The following CBLC variants were observed in gnomAD, a reference collection of about 807,000 sequenced individuals.
The protein encoded by CBLC is Cbl proto-oncogene C, also known as E3 ubiquitin-protein ligase CBL-C.
In CBLC, 46 loss-of-function variants were observed where a neutral mutation model predicts 58.6. The observed-to-expected ratio is 0.79, with a 90% CI of 0.62 to 1.00. CBLC has a LOEUF of 1.00. Among genes scored for constraint, CBLC ranks in the 50% least tolerant of loss-of-function variants. The pLI is 0.00. For missense variants in CBLC, 655 were observed against 625.8 expected, an observed-to-expected ratio of 1.05 and a Z score of -0.50; for synonymous variants, 271 against 264.2, an observed-to-expected ratio of 1.03 and a Z score of -0.25.
intron 2 of CBLC, 59 bp from the exon 3 acceptor site, chr19:44,781,148 C>A: frequency 6.3e-7 from 1 of 1,575,960 alleles, no homozygotes; most frequent in Non-Finnish European, 8.6e-7. Context: ...CCTGGAGACC[C>A]TCCCATCATA....
chr19:44,796,903 C>T (rs1372739449), intron 9 of CBLC, among the ~76,000 whole-genome samples: 2 of 138,864 alleles, frequency 1.4e-5, no homozygotes, highest in South Asian at 2.7e-4. Context: ...CAGCAGGAAG[C>T]GGGGCGGTGG....
Position 44,780,998 on chromosome 19 carries a change from C to G in CBLC, c.447C>G (p.Tyr149Ter). 6.2e-7 allele frequency: 1 copy of G among 1,613,558 alleles called. No homozygotes were observed. The change falls in exon 2 of 11, where the codon TAC becomes TAG. Residue 149 changes from tyrosine to a stop codon, truncating the protein, a stop_gained. Transcript: ENST00000647358. LOFTEE classifies it high-confidence loss of function. ...FPGGKYCGHM[Y>*]QLTKAPAHTF... ...GGGGAAAGTACTGTGGACACATGTA[C>G]CAGCTCACCAAGGCCCCCGCCCACA...
Position 44,781,050 on chromosome 19 carries a change from C to G in CBLC, c.499C>G (p.Arg167Gly), listed in dbSNP as rs752145860. Residue 167 changes from arginine (R) to glycine (G), a missense_variant and splice_region_variant, in exon 2 of 11, where the codon CGG (arginine) becomes GGG (glycine). Arg to Gly is a moderately radical substitution (Grantham distance 125). Around this residue, in one of 3 missense-constraint regions of CBLC, gnomAD observed 280 missense variants for 237.2 expected, o/e 1.18. Transcript: ENST00000647358. The part of the protein sequence containing the change: ...HTFWRESCGA[R>G]CVLPWAEFES... The stretch of plus-strand genomic sequence containing the variant: ...CTTCTGGAGGGAAAGTTGCGGAGCC[C>G]GGTGAGTAAGCCCTTGTCCTCAGCT... 47 of 1,611,206 alleles carry G rather than the reference C, an allele frequency of 2.9e-5. No homozygotes were observed. Among genetic ancestry groups the G allele is most frequent in the Non-Finnish European group, 3.6e-5 (43 of 1,179,342 alleles).
In CBLC at chr19:44,790,089, G is replaced by A. The variant is rs1968008270; in HGVS notation, c.1003G>A (p.Glu335Lys). 1.9e-6 allele frequency: 3 copies of A among 1,613,388 alleles called. No individual in the cohort carries two copies. The highest frequency in any genetic ancestry group is 3.3e-4 in the Middle Eastern group (2 of 6,062). The change falls in exon 6 of 11, where the codon GAG becomes AAG. Residue 335 changes from glutamate to lysine, a missense_variant and splice_region_variant. Physicochemically the swap from Glu to Lys is moderately conservative, Grantham distance 56 (BLOSUM62 1). Around this residue, in one of 3 missense-constraint regions of CBLC, gnomAD observed 371 missense variants for 370.8 expected, o/e 1.00. Transcript: ENST00000647358. Reference protein sequence around the residue: ...AEPQQRIHVSEEQLQLYWAMD... With the variant: ...AEPQQRIHVSKEQLQLYWAMD... ...ACCCCAGCAGCGCATCCACGTGTCA[G>A]AGGTGAGACCCGCACCTGCACCCGC...
chr19:44,798,210 T>C (rs1968218559), intron 9 of CBLC, among the ~76,000 whole-genome samples: 2 of 151,952 alleles, frequency 1.3e-5, no homozygotes, highest in Admixed American at 1.3e-4. Context: ...TGTTTGTTTG[T>C]TTGTTTGTTT....
chr19:44,793,499 TCTGCCG>T lies in CBLC; in HGVS notation c.1168_1173del (p.Arg390_Cys391del). On this transcript the variant is annotated inframe_deletion, in exon 8 of 11. Transcript: ENST00000647358. ...CACTCGGACAGCCAGACCTGCCCCTTCTGCCGCTGCGAGATCAAGGGCTGGGAGGCC... is the reference window on the plus strand; with the variant it reads ...CACTCGGACAGCCAGACCTGCCCCTTCTGCGAGATCAAGGGCTGGGAGGCC... The T allele has an allele frequency of 6.2e-7, 1 of 1,612,296 alleles. No individual in the cohort carries two copies. The highest frequency in any genetic ancestry group is 1.1e-5 in the South Asian group (1 of 90,724).
In CBLC at chr19:44,780,909, C is replaced by G; in HGVS notation, c.358C>G (p.Gln120Glu). ...LFRAGSRLRR[Q>E]LAKLAIIFSH... ...AGTCCTTGCCCATCCCCACAGGCGA[C>G]AGCTGGCCAAGCTGGCCATCATCTT... is the stretch of plus-strand genomic sequence containing the variant. The change falls in exon 2 of 11, where the codon CAG (glutamine) becomes GAG (glutamate). Residue 120 changes from glutamine to glutamate, a missense_variant. Transcript: ENST00000647358. 6.2e-7 allele frequency: 1 copy of G among 1,612,078 alleles called. No individual in the cohort carries two copies.
intron 9 of CBLC, among the ~76,000 whole-genome samples, chr19:44,799,622 G>T (rs531559345): frequency 6.6e-6 from 1 of 151,936 alleles, no homozygotes; most frequent in Non-Finnish European, 1.5e-5. Context: ...GTGAGCCACC[G>T]CGCGTGGCCC....
Position 44,792,333 on chromosome 19 carries a change from C to T in CBLC, c.1006-50C>T, listed in dbSNP as rs115210902. The T allele has an allele frequency of 6.9e-5, 111 of 1,605,104 alleles. 1 individual carries two copies. In the African/African-American group the frequency reaches 1.1e-3, roughly 16 times the overall value. The stretch of plus-strand genomic sequence containing the variant: ...CTTCCTGTGGCCCAAGTTGTGTCCC[C>T]GTGGCTGACGCATGCCCCTCGCTGT... On this transcript the variant is annotated intron_variant, in intron 6 of 10. Transcript: ENST00000647358.
At position 44,778,188 on chromosome 19, in the gene CBLC, A is replaced by C; in HGVS notation, c.257A>C (p.Asn86Thr). ...GACTTTCTACTCATCTACCTGGCCA[A>C]TCTGGAGGCCAAGAGCAGGCAGGTG... ...SGDFLLIYLA[N>T]LEAKSRQVAA... Residue 86 changes from asparagine (N) to threonine (T), a missense_variant, in exon 1 of 11, where the codon AAT becomes ACT. By Grantham distance (65) the Asn-to-Thr change is moderately conservative (BLOSUM62 0). Around this residue, in one of 3 missense-constraint regions of CBLC, gnomAD observed 280 missense variants for 237.2 expected, o/e 1.18. Transcript: ENST00000647358. 6.6e-7 allele frequency: 1 copy of C among 1,526,028 alleles called. No homozygotes were observed. Among genetic ancestry groups the C allele is most frequent in the Non-Finnish European group, 8.8e-7 (1 of 1,139,390 alleles). The allele number at this position is 1,526,028 out of a possible 1,614,324, so 94.5% of individuals were successfully genotyped here. A position where few individuals can be genotyped will look rare whatever the true frequency, so the allele number is the denominator to read the frequency against.
chr19:44,784,969 T>TTTTTG (rs1967857242), intron 5 of CBLC, among the ~76,000 whole-genome samples: 2 of 115,544 alleles, frequency 1.7e-5, no homozygotes, highest in Non-Finnish European at 3.6e-5. Context: ...TTTTTTTTTT[T>TTTTTG]TTTTTTTTTT....
chr19:44,787,902 CAA>C (rs1229772370), intron 5 of CBLC, among the ~76,000 whole-genome samples: 5 of 151,144 alleles, frequency 3.3e-5, no homozygotes, highest in Non-Finnish European at 7.4e-5. Flanking sequence ...CACTTGAGCC[CAA>C]GAGTTTGAGA....
chr19:44,793,094 G>A (rs910256520), intron 7 of CBLC, among the ~76,000 whole-genome samples: 1 of 152,214 alleles, frequency 6.6e-6, no homozygotes, highest in Admixed American at 6.5e-5. Context: ...AGAGGTTGCA[G>A]TGAGCAGAGA....
chr19:44,793,352 C>G (rs1022212158), intron 7 of CBLC, 122 bp from the exon 8 acceptor site: 18 of 1,082,218 alleles, frequency 1.7e-5, no homozygotes, highest in Non-Finnish European at 2.2e-5. Context: ...TCTCTCCTTC[C>G]GTCTCCCTTC....
At position 44,794,457 on chromosome 19, in the gene CBLC, CTTTTTTTTTT is replaced by C. The variant is rs200824891; in HGVS notation, c.1362+192_1362+201del. ...GTTTTCATTCCCCCTCTGGGACTTT[CTTTTTTTTTT>C]TTTTTTTTTTTTTTTGAGACGGAAT... On this transcript the variant is annotated intron_variant, in intron 9 of 10. Coordinates refer to ENST00000647358, the MANE Select transcript of CBLC (RefSeq NM_012116.4). 8.0e-4 allele frequency among the ~76,000 whole-genome samples: 63 copies of C among 78,330 alleles called. No individual in the cohort carries two copies. The East Asian group carries it at 0.017, about 21-fold the overall frequency. 51.4% of individuals were successfully genotyped at this position (78,330 alleles called of 152,430 possible).
At chr19:44,796,486 C>T (rs894287039) in intron 9 of CBLC, among the ~76,000 whole-genome samples, 9 of 151,992 alleles carry the variant, frequency 5.9e-5, no homozygotes, top group Non-Finnish European at 1.3e-4. Flanking sequence ...GGGGTTCAAG[C>T]TAATTCTCCT....
intron 8 of CBLC, among the ~76,000 whole-genome samples, chr19:44,793,948 C>T (rs1968123004): frequency 6.6e-6 from 1 of 151,980 alleles, no homozygotes; most frequent in African/African-American, 2.4e-5. Flanking sequence ...AGGGCCCACA[C>T]TCCTGGGTTC....
Position 44,794,185 on chromosome 19 carries a change from T to G in CBLC, c.1285-19T>G. 6.3e-7 allele frequency: 1 copy of G among 1,596,220 alleles called. No homozygotes were observed. On this transcript the variant is annotated intron_variant, in intron 8 of 10. Transcript: ENST00000647358. ...ATGGCAGCTCACAAGCCCCTTCTCCTTCCTCTGTCCCACCCCAGGTGCCCC... is the reference window on the plus strand; with the variant it reads ...ATGGCAGCTCACAAGCCCCTTCTCCGTCCTCTGTCCCACCCCAGGTGCCCC...
At chr19:44,785,346 T>A (rs1329010716) in intron 5 of CBLC, among the ~76,000 whole-genome samples, 3 of 151,998 alleles carry the variant, frequency 2.0e-5, no homozygotes, top group Admixed American at 6.6e-5. Context: ...CCTCCAGTGA[T>A]CTTCCCTTCT....
Sources: allele counts gnomAD v4.1 joint callset (sites outside exome capture counted in the v4.1 genomes callset), GRCh38; gene constraint gnomAD v4.1.1; regional missense constraint gnomAD v4.1.1; transcripts MANE v1.5; gene names NCBI Gene and HGNC (gene_info 2026-07-23, HGNC 2026-07-21).